KCNT1: variants seen among roughly 807,000 people sequenced by gnomAD.
The protein encoded by KCNT1 is potassium sodium-activated channel subfamily T member 1.
KCNT1 carries 78 observed loss-of-function variants against 147.8 expected under a neutral mutation model. The observed-to-expected ratio is 0.53, with a 90% confidence interval of 0.44 to 0.64. KCNT1 has a LOEUF of 0.64. Ranked by LOEUF, KCNT1 falls within the 30% of genes least tolerant of loss-of-function variation. The probability of loss-of-function intolerance (pLI) is 0.00; values close to 1 mark genes in which losing one functional copy is unlikely to be tolerated. For synonymous variants in KCNT1, 867 were observed against 748.8 expected, an observed-to-expected ratio of 1.16 and a Z score of -2.58; for missense variants, 1,419 against 1,750.3, an observed-to-expected ratio of 0.81 and a Z score of 3.38.
At position 135,791,899 on chromosome 9, in the gene KCNT1, G is replaced by T. The variant is rs1834562941; in HGVS notation, c.3587+18G>T. 1 of 1,612,584 alleles carries T rather than the reference G, an allele frequency of 6.2e-7. No individual in the cohort carries two copies. The highest frequency in any genetic ancestry group is 2.2e-5 in the East Asian group (1 of 44,864). Reference sequence around the variant, plus strand: ...GACATTGTGTGAGTAGCACCTGTGGGCTGTGTGGAGACCCCCCCTGAGCAC... The same window carrying T: ...GACATTGTGTGAGTAGCACCTGTGGTCTGTGTGGAGACCCCCCCTGAGCAC... On this transcript the variant is annotated intron_variant, in intron 30 of 30. Transcript: ENST00000371757.
chr9:135,756,988 C>T (rs1831529494), intron 7 of KCNT1, 56 bp downstream of exon 7: 1 of 1,169,872 alleles, frequency 8.5e-7, no homozygotes, highest in Non-Finnish European at 1.2e-6. Flanking sequence ...CCCCACCCTC[C>T]CCAGCCTCCC....
At chr9:135,711,951 C>T (rs1197751459) in intron 1 of KCNT1, among the ~76,000 whole-genome samples, 2 of 152,242 alleles carry the variant, frequency 1.3e-5, no homozygotes, top group African/African-American at 2.4e-5. Context: ...AGGGAACAGG[C>T]ATCAGTATCT....
intron 13 of KCNT1, among the ~76,000 whole-genome samples, chr9:135,766,929 AGGT>A (rs1832329903): frequency 1.3e-5 from 2 of 152,200 alleles, no homozygotes; most frequent in Admixed American, 1.3e-4. Flanking sequence ...CTGTGAGTCA[AGGT>A]GGGAGAACGG....
rs1832853094 is a variant in KCNT1, at chr9:135,772,856, C to G, written c.2150C>G (p.Ala717Gly). 1.3e-6 allele frequency: 2 copies of G among 1,547,836 alleles called. No homozygotes were observed. Among genetic ancestry groups the G allele is most frequent in the Non-Finnish European group, 1.7e-6 (2 of 1,146,456 alleles). ...RPSIAPVLEL[A>G]DSSALLPCDL... ...AGCATCGCGCCCGTCCTGGAACTGG[C>G]CGACAGCTCAGCCCTGCTGCCCTGC... Residue 717 changes from alanine (A) to glycine (G), a missense_variant, in exon 19 of 31, where the codon GCC becomes GGC. Ala to Gly is a moderately conservative substitution (Grantham distance 60, BLOSUM62 0). This residue lies in a region of KCNT1 where 284 missense variants were observed against 292.8 expected (regional missense o/e 0.97). Coordinates refer to ENST00000371757, the MANE Select transcript of KCNT1 (RefSeq NM_020822.3).
rs908005298 is a variant in KCNT1, at chr9:135,734,204, C to A, written c.255-15894C>A. On this transcript the variant is annotated intron_variant, in intron 2 of 30. Coordinates refer to ENST00000371757, the MANE Select transcript of KCNT1 (RefSeq NM_020822.3). The stretch of plus-strand genomic sequence containing the variant: ...GCCCCTGTGTAGCCATAGGGTCGAG[C>A]CTCTCCAGGCTCCATGGGAGCAGAA... Among the ~76,000 whole-genome samples, 3 of 152,298 alleles carry A rather than the reference C, an allele frequency of 2.0e-5. No homozygotes were observed. The East Asian group carries it at 5.8e-4, about 29-fold the overall frequency.
At position 135,786,373 on chromosome 9, in the gene KCNT1, C is replaced by T. The variant is rs770722954; in HGVS notation, c.3354C>T (p.Arg1118=). The T allele has an allele frequency of 1.1e-5, 18 of 1,577,258 alleles. No individual in the cohort carries two copies. The highest frequency in any genetic ancestry group is 3.7e-5 in the Admixed American group (2 of 54,142). Residue 1118 remains arginine (R), a synonymous_variant, in exon 29 of 31, where the codon CGC becomes CGT. Coordinates refer to ENST00000371757, the MANE Select transcript of KCNT1 (RefSeq NM_020822.3). ...KSLQWARRLS[R]KAPKQAGRAA... ...TGCAGTGGGCCCGGAGGCTGAGCCG[C>T]AAGGCGCCCAAGCAGGCAGGCCGGG...
At chr9:135,781,171 C>T (rs955192077) in intron 24 of KCNT1, among the ~76,000 whole-genome samples, 1 of 152,364 alleles carries the variant, frequency 6.6e-6, no homozygotes, top group South Asian at 2.1e-4. Flanking sequence ...GCTCCAGCTC[C>T]AGTCATGCGA....
At position 135,792,705 on chromosome 9, in the gene KCNT1, C is replaced by A. The variant is rs1031091605; in HGVS notation, c.*544C>A. The A allele has an allele frequency of 1.3e-5, 2 of 152,274 alleles. No homozygotes were observed. Among genetic ancestry groups the A allele is most frequent in the African/African-American group, 2.4e-5 (1 of 41,374 alleles). The allele number at this position is 152,274 out of a possible 1,614,324, so 9.4% of individuals were successfully genotyped here. On this transcript the variant is annotated 3_prime_UTR_variant, in exon 31 of 31. Coordinates refer to ENST00000371757, the MANE Select transcript of KCNT1 (RefSeq NM_020822.3). Reference sequence around the variant, plus strand: ...CCCTGGGCTGTTTGCTGTCCCAAGCCCCTTCTGGAAGTTAGAAGCAGCAAA... The same window carrying A: ...CCCTGGGCTGTTTGCTGTCCCAAGCACCTTCTGGAAGTTAGAAGCAGCAAA...
intron 28 of KCNT1, chr9:135,785,937 G>A (rs1834009273): frequency 1.8e-6 from 1 of 551,058 alleles, no homozygotes; most frequent in Admixed American, 3.5e-5. Context: ...CAGCAGCCTG[G>A]CGAATCCCTT....
At chr9:135,791,405 G>GGTGGTCGCCGTATCATTAAAA in intron 29 of KCNT1, 4 of 221,098 alleles carry the variant, frequency 1.8e-5, no homozygotes, top group South Asian at 7.3e-5. Context: ...AGGTGTAGAT[G>GGTGGTCGCCGTATCATTAAAA]AAGGCATGCA....
At chr9:135,742,799 C>G (rs1830633647) in intron 2 of KCNT1, 1 of 717,198 alleles carries the variant, frequency 1.4e-6, no homozygotes, top group Non-Finnish European at 2.6e-6. Context: ...TCAGCCTGGA[C>G]TCCTCCCTGT....
chr9:135,751,487 C>T (rs59526758), intron 4 of KCNT1, among the ~76,000 whole-genome samples: 4,075 of 152,202 alleles, frequency 0.027, 173 homozygotes, highest in African/African-American at 0.093. Flanking sequence ...CAGGGCCCAT[C>T]GTCCTGGGGC....
chr9:135,717,993 C>A (rs1400547601), intron 2 of KCNT1, among the ~76,000 whole-genome samples: 4 of 152,190 alleles, frequency 2.6e-5, no homozygotes, highest in Non-Finnish European at 4.4e-5. Flanking sequence ...GTCACCCAAG[C>A]CCTCCCCTAT....
chr9:135,772,667 A>G, intron 18 of KCNT1, 48 bp from the exon 19 acceptor site: 1 of 1,327,512 alleles, frequency 7.5e-7, no homozygotes, highest in Non-Finnish European at 9.8e-7. Context: ...CTCGCCGCCC[A>G]TGGAGGGTGG....
In KCNT1 at chr9:135,778,780, T is replaced by C. The variant is rs1060503696; in HGVS notation, c.2687T>C (p.Met896Thr). Residue 896 changes from methionine to threonine, a missense_variant, in exon 23 of 31, where the codon ATG becomes ACG. Transcript: ENST00000371757. ...ESTMSAEEDY[M>T]ADAKTIVNVQ... Reference sequence around the variant, plus strand: ...ACCATGAGCGCCGAGGAGGACTACATGGCGGACGCCAAGACCATCGTCAAC... The same window carrying C: ...ACCATGAGCGCCGAGGAGGACTACACGGCGGACGCCAAGACCATCGTCAAC... 6.2e-7 allele frequency: 1 copy of C among 1,613,764 alleles called. No homozygotes were observed. The highest frequency in any genetic ancestry group is 8.5e-7 in the Non-Finnish European group (1 of 1,179,916).
At chr9:135,778,141 G>T (rs1013888559) in intron 21 of KCNT1, among the ~76,000 whole-genome samples, 7 of 152,152 alleles carry the variant, frequency 4.6e-5, no homozygotes, top group Non-Finnish European at 1.0e-4. Context: ...TCTTCCTCCT[G>T]GGCACCTTTT....
Position 135,714,480 on chromosome 9 carries a change from G to C in KCNT1, c.111-97G>C. 4.7e-6 allele frequency: 4 copies of C among 857,796 alleles called. No individual in the cohort carries two copies. In the South Asian group the frequency reaches 2.1e-4, roughly 45 times the overall value. The allele number at this position is 857,796 out of a possible 1,614,324, so 53.1% of individuals were successfully genotyped here. A position where few individuals can be genotyped will look rare whatever the true frequency, so the allele number is the denominator to read the frequency against. The stretch of plus-strand genomic sequence containing the variant: ...CCGCCCGGTGGGTCGCGGTGGCCGC[G>C]GGCTGCGCTGCGCGGGCCGGGCCTG... On this transcript the variant is annotated intron_variant, in intron 1 of 30. Coordinates refer to ENST00000371757, the MANE Select transcript of KCNT1 (RefSeq NM_020822.3). This position sits in a 1 kb window ranked among gnomAD's most constrained non-coding sequence, Gnocchi z 6.2.
At chr9:135,783,946 G>A (rs1273890736) in intron 24 of KCNT1, 78 bp from the exon 25 acceptor site, 1 of 1,044,910 alleles carries the variant, frequency 9.6e-7, no homozygotes, top group South Asian at 1.3e-5. Context: ...TGCACACACA[G>A]TGCCCTCGAC....
At chr9:135,774,271 TGTG>T (rs1469472126) in intron 19 of KCNT1, among the ~76,000 whole-genome samples, 2 of 138,432 alleles carry the variant, frequency 1.4e-5, no homozygotes, top group African/African-American at 2.7e-5. Flanking sequence ...TGGTGTCTGT[TGTG>T]TGTGTGGTGT....
Sources: gnomAD v4.1 joint callset for allele counts (sites outside exome capture counted in the v4.1 genomes callset) on GRCh38, gnomAD v4.1.1 for gene constraint, gnomAD v4.1.1 regional missense constraint, Gnocchi (gnomAD v3.1) non-coding constraint, MANE v1.5 for transcripts, NCBI Gene and HGNC (gene_info 2026-07-23, HGNC 2026-07-21) for gene names.